The following DUSP10 variants were observed in gnomAD, a reference collection of about 807,000 sequenced individuals.
DUSP10 encodes the protein dual specificity protein phosphatase 10.
Under a neutral mutation model 30.8 loss-of-function variants are expected in DUSP10, and 14 were observed. The ratio of observed to expected loss-of-function variants is 0.46; its 90% CI spans 0.30 to 0.71. The LOEUF (loss-of-function observed/expected upper bound fraction) is 0.71. Among genes scored for constraint, DUSP10 ranks in the 30% least tolerant of loss-of-function variants. The pLI, the probability that DUSP10 is intolerant of heterozygous loss-of-function variation, is 0.08. For synonymous variants in DUSP10, 254 were observed against 250.4 expected (o/e 1.01, Z -0.14); for missense variants, 550 against 619.4 (o/e 0.89, Z 1.19).
chr1:221,727,216 A>G (rs565373718), intron 2 of DUSP10, among the ~76,000 whole-genome samples: 18 of 152,338 alleles, frequency 1.2e-4, no homozygotes, highest in African/African-American at 4.3e-4. Context: ...ATAAGGGAGC[A>G]TCAGCCGGCT....
chr1:221,741,640 C>G (rs907904834), intron 1 of DUSP10, among the ~76,000 whole-genome samples: 3 of 152,060 alleles, frequency 2.0e-5, no homozygotes, highest in Admixed American at 1.3e-4. Context: ...CCCCGCCCCC[C>G]GCTTCACTCC....
chr1:221,711,349 T>C (rs1660932164), intron 2 of DUSP10, among the ~76,000 whole-genome samples: 1 of 152,232 alleles, frequency 6.6e-6, no homozygotes, highest in Non-Finnish European at 1.5e-5. Flanking sequence ...CAGCCCTTTT[T>C]GGTCTTATGC....
At chr1:221,712,777 CAAAAAAAAAA>C (rs58249338) in intron 2 of DUSP10, among the ~76,000 whole-genome samples, 2 of 56,950 alleles carry the variant, frequency 3.5e-5, no homozygotes, top group East Asian at 5.0e-4. Context: ...TATAAAGCAG[CAAAAAAAAAA>C]AAAAAAAAAA....
intron 2 of DUSP10, among the ~76,000 whole-genome samples, chr1:221,735,815 C>T (rs1386731901): frequency 9.2e-5 from 14 of 152,312 alleles, no homozygotes; most frequent in South Asian, 6.2e-4. Flanking sequence ...ATAGCAAAAA[C>T]GGTAGCTCTC....
chr1:221,710,487 C>T (rs1214674489), intron 2 of DUSP10, among the ~76,000 whole-genome samples: 2 of 151,568 alleles, frequency 1.3e-5, no homozygotes, highest in African/African-American at 2.4e-5. Context: ...ATTGTAAGTG[C>T]TTTTTCTTTT....
chr1:221,722,642 C>A (rs1661309802), intron 2 of DUSP10, among the ~76,000 whole-genome samples: 1 of 152,152 alleles, frequency 6.6e-6, no homozygotes, highest in African/African-American at 2.4e-5. Flanking sequence ...CCAATAACTG[C>A]AGAGTTTATG....
At chr1:221,734,093 C>T (rs1661694893) in intron 2 of DUSP10, among the ~76,000 whole-genome samples, 1 of 152,144 alleles carries the variant, frequency 6.6e-6, no homozygotes, top group South Asian at 2.1e-4. Flanking sequence ...ACCAGCGCAC[C>T]CCTCCTTCCA....
intron 2 of DUSP10, among the ~76,000 whole-genome samples, chr1:221,724,178 G>T (rs1359703889): frequency 1.3e-5 from 2 of 152,172 alleles, no homozygotes; most frequent in African/African-American, 2.4e-5. Flanking sequence ...CTGGAGTCAG[G>T]CAGGTCTGAA....
chr1:221,731,546 A>C (rs868678674), intron 2 of DUSP10, among the ~76,000 whole-genome samples: 28 of 151,066 alleles, frequency 1.9e-4, no homozygotes, highest in African/African-American at 6.3e-4. Context: ...AGATCAAGAC[A>C]TTGGAAAGAA....
chr1:221,717,148 C>T (rs1055932254), intron 2 of DUSP10, among the ~76,000 whole-genome samples: 3 of 152,112 alleles, frequency 2.0e-5, no homozygotes, highest in African/African-American at 4.8e-5. Context: ...TCATGGACAG[C>T]CTCTCTGAGG....
chr1:221,732,530 C>T (rs377186299), intron 2 of DUSP10, among the ~76,000 whole-genome samples: 8 of 152,108 alleles, frequency 5.3e-5, no homozygotes, highest in Non-Finnish European at 1.2e-4. Context: ...ATATTTTATG[C>T]TATATATTAG....
Position 221,706,132 on chromosome 1 carries a change from G to T in DUSP10, c.1146C>A (p.Asn382Lys), listed in dbSNP as rs750436756. ...AAGCCTCTTCAAAGTACTGCCGCAG[G>T]TTCTGCTTGTTGCTGTCAGTGGCTG... ...RLPATDSNKQ[N>K]LRQYFEEAFE... Residue 382 changes from asparagine to lysine, a missense_variant, in exon 3 of 4, where the codon AAC becomes AAA. Asn to Lys is a moderately conservative substitution (Grantham distance 94). Coordinates refer to ENST00000366899, the MANE Select transcript of DUSP10 (RefSeq NM_007207.6). This position sits in a 1 kb window ranked among gnomAD's most constrained non-coding sequence, Gnocchi z 4.6. 3 of 1,614,132 alleles carry T rather than the reference G, an allele frequency of 1.9e-6. No homozygotes were observed. The Admixed American group carries it at 5.0e-5, about 27-fold the overall frequency.
chr1:221,704,144 C>G lies in DUSP10; in HGVS notation c.1184-1467G>C, dbSNP rs76444909. On this transcript the variant is annotated intron_variant, in intron 3 of 3. Transcript: ENST00000366899. Reference sequence around the variant, plus strand: ...GATGCTGCTCAGCTTATATTACACTCTCAGTGAAAGCTATTATGTTTATAA... The same window carrying G: ...GATGCTGCTCAGCTTATATTACACTGTCAGTGAAAGCTATTATGTTTATAA... Among the ~76,000 whole-genome samples, 427 of 152,284 alleles carry G rather than the reference C, an allele frequency of 2.8e-3. 9 individuals are homozygous for G. The East Asian group carries it at 0.05, about 18-fold the overall frequency.
intron 2 of DUSP10, among the ~76,000 whole-genome samples, chr1:221,737,936 C>T (rs377017723): frequency 7.7e-4 from 117 of 152,290 alleles, no homozygotes; most frequent in Middle Eastern, 3.4e-3. Flanking sequence ...CCAGAAACTG[C>T]GTACCTTGGC....
At chr1:221,731,538 A>T (rs1223509501) in intron 2 of DUSP10, among the ~76,000 whole-genome samples, 8 of 151,766 alleles carry the variant, frequency 5.3e-5, no homozygotes, top group Middle Eastern at 3.4e-3. Flanking sequence ...TTCTTTTCAG[A>T]TCAAGACATT....
intron 2 of DUSP10, among the ~76,000 whole-genome samples, chr1:221,710,193 A>T (rs988573868): frequency 6.6e-6 from 1 of 152,192 alleles, no homozygotes; most frequent in African/African-American, 2.4e-5. Context: ...TACCCCCAAT[A>T]TCATCACCTT....
At chr1:221,718,187 C>T (rs369242672) in intron 2 of DUSP10, among the ~76,000 whole-genome samples, 1 of 151,984 alleles carries the variant, frequency 6.6e-6, no homozygotes, top group African/African-American at 2.4e-5. Context: ...GCGCAGTAAG[C>T]CTTGTAGAAC....
chr1:221,711,746 A>C (rs950584111), intron 2 of DUSP10: 12 of 152,236 alleles, frequency 7.9e-5, no homozygotes, highest in African/African-American at 2.9e-4. Context: ...ATAAAATGCT[A>C]CATGAGAGTT....
chr1:221,726,196 C>T (rs1571824412), intron 2 of DUSP10, among the ~76,000 whole-genome samples: 1 of 152,294 alleles, frequency 6.6e-6, no homozygotes, highest in East Asian at 1.9e-4. Context: ...GAAAAATAAA[C>T]TCAAACTGGC....
Sources: gnomAD v4.1 joint callset for allele counts (sites outside exome capture counted in the v4.1 genomes callset) on GRCh38, gnomAD v4.1.1 for gene constraint, Gnocchi (gnomAD v3.1) non-coding constraint, MANE v1.5 for transcripts, NCBI Gene and HGNC (gene_info 2026-07-23, HGNC 2026-07-21) for gene names.